Variants in TBL1XR1 observed in about 807,000 individuals in gnomAD.
TBL1XR1 encodes the protein TBL1X/Y related 1.
Under a neutral mutation model 66.9 loss-of-function variants are expected in TBL1XR1, and 5 were observed. The ratio of observed to expected loss-of-function variants is 0.07; its 90% CI spans 0.04 to 0.16. TBL1XR1 has a LOEUF of 0.16. Among genes scored for constraint, TBL1XR1 ranks in the 10% least tolerant of loss-of-function variants. TBL1XR1 has a pLI of 1.00. For missense variants in TBL1XR1, 238 were observed against 623.2 expected (o/e 0.38, Z 6.58); for synonymous variants, 210 against 206.0 (o/e 1.02, Z -0.17).
At chr3:177,127,055 AT>A (rs1337785823) in intron 1 of TBL1XR1, among the ~76,000 whole-genome samples, 2 of 152,102 alleles carry the variant, frequency 1.3e-5, no homozygotes, top group Non-Finnish European at 2.9e-5. Flanking sequence ...CAAAAGTTTG[AT>A]TGTTTTAAAG....
intron 1 of TBL1XR1, chr3:177,164,133 C>T (rs1257381179): frequency 6.6e-6 from 1 of 152,170 alleles, no homozygotes; most frequent in Non-Finnish European, 1.5e-5. Flanking sequence ...TACCGTAAAA[C>T]AACTAACATA....
chr3:177,022,527 T>C lies in TBL1XR1; in HGVS notation c.*2971A>G, dbSNP rs904284181. 1.3e-5 allele frequency: 2 copies of C among 152,734 alleles called. No homozygotes were observed. Among genetic ancestry groups the C allele is most frequent in the African/African-American group, 4.8e-5 (2 of 41,596 alleles). The allele number at this position is 152,734 out of a possible 1,614,324, so 9.5% of individuals were successfully genotyped here. ...CTTTATGTTGTTTAAAAGTGGCAGC[T>C]GCTCTTTCTTTATTCCATTTTAATC... On this transcript the variant is annotated 3_prime_UTR_variant, in exon 16 of 16. Transcript: ENST00000457928.
At chr3:177,170,385 T>G (rs1022222422) in intron 1 of TBL1XR1, among the ~76,000 whole-genome samples, 1 of 151,962 alleles carries the variant, frequency 6.6e-6, no homozygotes, top group Non-Finnish European at 1.5e-5. Flanking sequence ...ATGTCCTTCT[T>G]CCCCCACCCC....
At chr3:177,084,906 G>A (rs1009765337) in intron 2 of TBL1XR1, among the ~76,000 whole-genome samples, 2 of 152,074 alleles carry the variant, frequency 1.3e-5, no homozygotes, top group African/African-American at 4.8e-5. Context: ...ACTATTTGTG[G>A]GAGGATTTGT....
chr3:177,054,761 A>G (rs1238987714), intron 3 of TBL1XR1, among the ~76,000 whole-genome samples: 1 of 152,224 alleles, frequency 6.6e-6, no homozygotes, highest in Non-Finnish European at 1.5e-5. Flanking sequence ...ATCTATATGA[A>G]ATATTTAAGA....
chr3:177,088,644 C>CA (rs1391932475), intron 2 of TBL1XR1, among the ~76,000 whole-genome samples: 1 of 150,446 alleles, frequency 6.6e-6, no homozygotes, highest in Non-Finnish European at 1.5e-5. Context: ...CCTCTAATGA[C>CA]AAAGATACAA....
chr3:177,062,703 C>T (rs942147220), intron 3 of TBL1XR1, among the ~76,000 whole-genome samples: 8 of 152,120 alleles, frequency 5.3e-5, no homozygotes, highest in Non-Finnish European at 1.2e-4. Flanking sequence ...CACCTAAGAA[C>T]ATACTAAACA....
At chr3:177,028,205 G>A (rs1189077905) in intron 14 of TBL1XR1, among the ~76,000 whole-genome samples, 1 of 152,012 alleles carries the variant, frequency 6.6e-6, no homozygotes, top group Non-Finnish European at 1.5e-5. Flanking sequence ...ATACAAGAAA[G>A]GGGAAAACAA....
At chr3:177,174,360 G>C (rs1440776798) in intron 1 of TBL1XR1, among the ~76,000 whole-genome samples, 1 of 127,982 alleles carries the variant, frequency 7.8e-6, no homozygotes, top group Non-Finnish European at 1.6e-5. Flanking sequence ...AGTGAGCTGA[G>C]ATAGTGCCAC....
chr3:177,035,987 C>T (rs991606391), intron 12 of TBL1XR1, among the ~76,000 whole-genome samples: 3 of 152,118 alleles, frequency 2.0e-5, no homozygotes, highest in African/African-American at 7.2e-5. Context: ...ACTTAAGCAC[C>T]CATGGCACAT....
intron 1 of TBL1XR1, among the ~76,000 whole-genome samples, chr3:177,172,185 C>T (rs180721855): frequency 2.0e-5 from 3 of 148,296 alleles, no homozygotes; most frequent in Non-Finnish European, 3.0e-5. Flanking sequence ...CACTTGAACC[C>T]GGGAGGCAGA....
chr3:177,113,997 G>T (rs568202710), intron 1 of TBL1XR1, among the ~76,000 whole-genome samples: 1 of 151,852 alleles, frequency 6.6e-6, no homozygotes, highest in South Asian at 2.1e-4. Flanking sequence ...CCCACTACTG[G>T]GTAAATGTTG....
intron 1 of TBL1XR1, among the ~76,000 whole-genome samples, chr3:177,179,798 A>G (rs1458288263): frequency 2.0e-5 from 3 of 152,242 alleles, no homozygotes; most frequent in Admixed American, 1.3e-4. Context: ...ACCAACCGAT[A>G]TATCTACTAG....
At chr3:177,158,264 G>C (rs566116008) in intron 1 of TBL1XR1, among the ~76,000 whole-genome samples, 1 of 142,936 alleles carries the variant, frequency 7.0e-6, no homozygotes, top group South Asian at 2.2e-4. Context: ...GTCTTGCTCA[G>C]TCGCCCAGGC....
rs115230452 is a variant in TBL1XR1 at position 177,051,819 on chromosome 3, C to T, written c.205-93G>A. 1,378 of 1,378,230 alleles carry T rather than the reference C, an allele frequency of 1.0e-3. 12 individuals carry two copies. In the African/African-American group the frequency reaches 0.018, roughly 18 times the overall value. 85.4% of individuals were successfully genotyped at this position (1,378,230 alleles called of 1,614,324 possible). ...AAATCAGAAATGAAATGAAAATCTTCGTTCCTAAAAAAACATTTTTAGGAA... is the reference window on the plus strand; with the variant it reads ...AAATCAGAAATGAAATGAAAATCTTTGTTCCTAAAAAAACATTTTTAGGAA... On this transcript the variant is annotated intron_variant, in intron 4 of 15. Transcript: ENST00000457928.
intron 14 of TBL1XR1, chr3:177,027,809 T>C (rs538653971): frequency 6.6e-5 from 10 of 152,328 alleles, no homozygotes; most frequent in Middle Eastern, 3.4e-3. Flanking sequence ...AACTGTTTTG[T>C]TTACTTAAAA....
chr3:177,102,727 TC>T (rs1394221595), intron 1 of TBL1XR1, among the ~76,000 whole-genome samples: 3 of 152,198 alleles, frequency 2.0e-5, no homozygotes, highest in African/African-American at 7.2e-5. Context: ...GCCCTGACAT[TC>T]CTCATTCCTT....
At chr3:177,181,588 T>A (rs1169384539) in intron 1 of TBL1XR1, among the ~76,000 whole-genome samples, 1 of 129,828 alleles carries the variant, frequency 7.7e-6, no homozygotes, top group Non-Finnish European at 1.7e-5. Flanking sequence ...TGCTAGCAGA[T>A]CAGGAGAGGA....
At chr3:177,098,368 A>G (rs1723767240) in intron 2 of TBL1XR1, 98 bp downstream of exon 2, 8 of 582,826 alleles carry the variant, frequency 1.4e-5, no homozygotes, top group Admixed American at 6.3e-5. Flanking sequence ...TTGGGAACAC[A>G]TGTATTTTGT....
Sources: gnomAD v4.1 joint callset for allele counts (sites outside exome capture counted in the v4.1 genomes callset) on GRCh38, gnomAD v4.1.1 for gene constraint, MANE v1.5 for transcripts, NCBI Gene and HGNC (gene_info 2026-07-23, HGNC 2026-07-21) for gene names.